Variants in GLCE observed in about 807,000 individuals in gnomAD.
GLCE encodes the protein D-glucuronyl C5-epimerase.
Under a neutral mutation model 47.9 loss-of-function variants are expected in GLCE, and 19 were observed. The ratio of observed to expected loss-of-function variants is 0.40; its 90% CI spans 0.28 to 0.58. The LOEUF is 0.58. Among genes scored for constraint, GLCE ranks in the 20% least tolerant of loss-of-function variants. GLCE has a pLI of 0.48. For missense variants in GLCE, 556 were observed against 743.3 expected (o/e 0.75, Z 2.93); for synonymous variants, 245 against 263.4 (o/e 0.93, Z 0.68).
intron 1 of GLCE, among the ~76,000 whole-genome samples, chr15:69,172,295 AC>A (rs2051600346): frequency 6.6e-6 from 1 of 152,192 alleles, no homozygotes; most frequent in African/African-American, 2.4e-5. Flanking sequence ...ATTATCGAAC[AC>A]ACGTGTTGTC....
chr15:69,254,790 C>T lies in GLCE; in HGVS notation c.-13-1004C>T, dbSNP rs148477091. ...TATATGTATTGGATATACGTATCTG[C>T]AGCTCTGAAGAAAGACCTGGCCTGG... On this transcript the variant is annotated intron_variant, in intron 2 of 4. Coordinates refer to ENST00000261858, the MANE Select transcript of GLCE (RefSeq NM_015554.3). Among the ~76,000 whole-genome samples, 15 of 152,288 alleles carry T rather than the reference C, an allele frequency of 9.8e-5. No individual in the cohort carries two copies. In the East Asian group the frequency reaches 2.9e-3, roughly 29 times the overall value.
At chr15:69,196,238 A>G (rs918592392) in intron 1 of GLCE, among the ~76,000 whole-genome samples, 43 of 152,154 alleles carry the variant, frequency 2.8e-4, no homozygotes, top group African/African-American at 9.6e-4. Flanking sequence ...TGGAGTGAGC[A>G]TGGAGTGTTA....
intron 1 of GLCE, among the ~76,000 whole-genome samples, chr15:69,177,123 G>A (rs941970131): frequency 6.6e-6 from 1 of 151,802 alleles, no homozygotes; most frequent in Non-Finnish European, 1.5e-5. Context: ...GGGTTCAAGC[G>A]ATTCTTGTGC....
At chr15:69,264,395 T>TGC (rs2053057308) in intron 4 of GLCE, among the ~76,000 whole-genome samples, 1 of 152,092 alleles carries the variant, frequency 6.6e-6, no homozygotes, top group Non-Finnish European at 1.5e-5. Context: ...TGTGTGCACG[T>TGC]GCACACACAC....
intron 2 of GLCE, among the ~76,000 whole-genome samples, chr15:69,233,813 A>T (rs2052557209): frequency 3.9e-5 from 6 of 152,216 alleles, no homozygotes; most frequent in Admixed American, 3.9e-4. Flanking sequence ...AGAGTTTATT[A>T]TGATGTGTGA....
At chr15:69,185,554 G>T (rs1276809348) in intron 1 of GLCE, among the ~76,000 whole-genome samples, 1 of 151,872 alleles carries the variant, frequency 6.6e-6, no homozygotes, top group Non-Finnish European at 1.5e-5. Flanking sequence ...CCTTCTGCTT[G>T]CTTCTCTGTA....
At chr15:69,164,445 T>C (rs979836494) in intron 1 of GLCE, among the ~76,000 whole-genome samples, 2 of 151,406 alleles carry the variant, frequency 1.3e-5, no homozygotes, top group African/African-American at 4.8e-5. Context: ...ATATGAATTA[T>C]ACTTACATAC....
intron 1 of GLCE, among the ~76,000 whole-genome samples, chr15:69,172,730 T>A (rs555636069): frequency 6.6e-6 from 1 of 152,360 alleles, no homozygotes; most frequent in African/African-American, 2.4e-5. Flanking sequence ...ACATTCTTAG[T>A]GGTGTGCCTC....
chr15:69,164,522 CAT>C (rs1289778121), intron 1 of GLCE, among the ~76,000 whole-genome samples: 54 of 149,574 alleles, frequency 3.6e-4, no homozygotes, highest in Middle Eastern at 3.6e-3. Context: ...TTGTTATATA[CAT>C]ATGCCATATA....
chr15:69,199,669 C>T (rs894854214), intron 1 of GLCE, among the ~76,000 whole-genome samples: 13 of 152,194 alleles, frequency 8.5e-5, no homozygotes, highest in Non-Finnish European at 1.5e-4. Flanking sequence ...TCTGGTGGCA[C>T]GGCCAGTGCC....
At chr15:69,260,928 G>A (rs896410297) in intron 3 of GLCE, 159 bp from the exon 4 acceptor site, 4 of 601,608 alleles carry the variant, frequency 6.6e-6, no homozygotes, top group Non-Finnish European at 8.6e-6. Flanking sequence ...GGTTAATTTG[G>A]TACTAGATCT....
chr15:69,238,993 T>G (rs952391850), intron 2 of GLCE, among the ~76,000 whole-genome samples: 1 of 151,608 alleles, frequency 6.6e-6, no homozygotes, highest in African/African-American at 2.4e-5. Flanking sequence ...GGGGAGAGAG[T>G]GATTAATTTG....
intron 1 of GLCE, among the ~76,000 whole-genome samples, chr15:69,187,371 T>C (rs2051839943): frequency 6.6e-6 from 1 of 152,230 alleles, no homozygotes; most frequent in Non-Finnish European, 1.5e-5. Context: ...TGTGTTACTA[T>C]GTACAAGCAT....
chr15:69,265,165 A>G (rs1453909045), intron 4 of GLCE, among the ~76,000 whole-genome samples: 1 of 152,158 alleles, frequency 6.6e-6, no homozygotes, highest in East Asian at 1.9e-4. Flanking sequence ...TAAAGTGCAT[A>G]TATATGTGTC....
At chr15:69,219,691 G>A (rs1250205235) in intron 2 of GLCE, among the ~76,000 whole-genome samples, 4 of 152,032 alleles carry the variant, frequency 2.6e-5, no homozygotes. Flanking sequence ...TGCCAGTTCT[G>A]TGATTCTTTT....
intron 4 of GLCE, among the ~76,000 whole-genome samples, chr15:69,261,683 A>G (rs2053017486): frequency 6.6e-6 from 1 of 152,154 alleles, no homozygotes; most frequent in African/African-American, 2.4e-5. Context: ...TTTGCAGTAA[A>G]TAGAATGGTT....
chr15:69,231,776 A>C (rs7162356), intron 2 of GLCE, among the ~76,000 whole-genome samples: 70,809 of 151,860 alleles, frequency 0.47, 19,779 homozygotes, highest in Middle Eastern at 0.62. Context: ...TCAGATATCT[A>C]TCTATCTTTT....
intron 1 of GLCE, among the ~76,000 whole-genome samples, chr15:69,192,912 A>G (rs1196823221): frequency 1.3e-5 from 2 of 151,154 alleles, no homozygotes; most frequent in Non-Finnish European, 3.0e-5. Context: ...TTATCTTACA[A>G]CTCCTGGTAA....
intron 4 of GLCE, among the ~76,000 whole-genome samples, chr15:69,262,429 G>A (rs1455870356): frequency 1.3e-5 from 2 of 152,168 alleles, no homozygotes; most frequent in Non-Finnish European, 2.9e-5. Flanking sequence ...ATTGCAACAG[G>A]AAATGATTAG....
Sources: gnomAD v4.1 joint callset for allele counts (sites outside exome capture counted in the v4.1 genomes callset) on GRCh38, gnomAD v4.1.1 for gene constraint, MANE v1.5 for transcripts, NCBI Gene and HGNC (gene_info 2026-07-23, HGNC 2026-07-21) for gene names.